Variants in TF observed in about 807,000 individuals in gnomAD.
TF encodes the protein serotransferrin.
Under a neutral mutation model 82.4 loss-of-function variants are expected in TF, and 55 were observed. That is an observed-to-expected ratio of 0.67 (90% CI 0.54 to 0.84). The LOEUF (loss-of-function observed/expected upper bound fraction) is 0.84, where lower values mean the gene tolerates loss of function less well. Ranked by LOEUF, TF falls within the 40% of genes least tolerant of loss-of-function variation. The pLI is 0.00. For synonymous variants in TF, 332 were observed against 332.6 expected, an observed-to-expected ratio of 1.00 and a Z score of 0.02; for missense variants, 737 against 868.4, an observed-to-expected ratio of 0.85 and a Z score of 1.90.
chr3:133,746,182 C>A, upstream of TF: 1 of 583,242 alleles, frequency 1.7e-6, no homozygotes, highest in East Asian at 2.9e-5. Context: ...CTTCATGTCC[C>A]TTCCCATCAA....
chr3:133,674,375 AC>A, the TF span, among the ~76,000 whole-genome samples: 7 of 151,968 alleles, frequency 4.6e-5, no homozygotes, highest in Non-Finnish European at 1.0e-4. Context: ...AGCCTTGCAG[AC>A]CCCGGGGCTG....
chr3:133,770,853 A>G (rs1934241757), intron 14 of TF: 3 of 524,082 alleles, frequency 5.7e-6, no homozygotes, highest in Admixed American at 6.4e-5. Context: ...CCTATTTCCT[A>G]AGAATAAGAC....
the TF span, among the ~76,000 whole-genome samples, chr3:133,677,623 G>A: frequency 2.6e-5 from 4 of 152,094 alleles, no homozygotes; most frequent in South Asian, 6.2e-4. Flanking sequence ...GGGCAACAGA[G>A]CAAGACTCTG....
Position 133,756,347 on chromosome 3 carries a change from G to T in TF, c.691+10G>T. 1 of 1,613,926 alleles carries T rather than the reference G, an allele frequency of 6.2e-7. No homozygotes were observed. The highest frequency in any genetic ancestry group is 8.5e-7 in the Non-Finnish European group (1 of 1,179,920). On this transcript the variant is annotated intron_variant, in intron 6 of 16. Coordinates refer to ENST00000402696, the MANE Select transcript of TF (RefSeq NM_001063.4). ...CACTCGACTATATTTGGTAAGAATGGGACAAGAATCCACCAGGGCCACTCC... is the reference window on the plus strand; with the variant it reads ...CACTCGACTATATTTGGTAAGAATGTGACAAGAATCCACCAGGGCCACTCC...
chr3:133,778,440 A>T, intron 16 of TF, 146 bp from the exon 17 acceptor site: 1 of 765,266 alleles, frequency 1.3e-6, no homozygotes, highest in Non-Finnish European at 2.2e-6. Context: ...AGTAGAAAAG[A>T]GCACTGGGAG....
chr3:133,762,675 C>G (rs1015494460), intron 9 of TF, among the ~76,000 whole-genome samples: 1 of 152,086 alleles, frequency 6.6e-6, no homozygotes, highest in African/African-American at 2.4e-5. Context: ...TCTGAAGCTG[C>G]TATTTGGGCG....
the TF span, among the ~76,000 whole-genome samples, chr3:133,692,059 G>A: frequency 6.6e-6 from 1 of 152,228 alleles, no homozygotes; most frequent in Non-Finnish European, 1.5e-5. Flanking sequence ...GGTGCTGCTG[G>A]CTGTAGGGTA....
intron 14 of TF, 57 bp downstream of exon 14, chr3:133,770,629 C>A: frequency 1.3e-6 from 2 of 1,555,870 alleles, no homozygotes; most frequent in Non-Finnish European, 1.8e-6. Flanking sequence ...CACTGGTATT[C>A]ACTTGTATTC....
the TF span, among the ~76,000 whole-genome samples, chr3:133,693,277 C>A: frequency 3.9e-5 from 6 of 152,174 alleles, no homozygotes; most frequent in African/African-American, 1.4e-4. Flanking sequence ...ACTATTGGCA[C>A]CCAGGCCTAC....
At chr3:133,684,432 T>A in the TF span, among the ~76,000 whole-genome samples, 1 of 152,016 alleles carries the variant, frequency 6.6e-6, no homozygotes, top group African/African-American at 2.4e-5. Context: ...TTTTGAAAAG[T>A]TCAACAAAAT....
At chr3:133,706,724 T>C in the TF span, among the ~76,000 whole-genome samples, 1 of 152,178 alleles carries the variant, frequency 6.6e-6, no homozygotes, top group African/African-American at 2.4e-5. Flanking sequence ...ATTTAGAGCA[T>C]CACAGCACAA....
At chr3:133,685,714 G>C in the TF span, among the ~76,000 whole-genome samples, 1 of 152,136 alleles carries the variant, frequency 6.6e-6, no homozygotes, top group Non-Finnish European at 1.5e-5. Flanking sequence ...ACAAACAAAT[G>C]GAAGAACATT....
chr3:133,680,628 G>C, the TF span, among the ~76,000 whole-genome samples: 1 of 151,546 alleles, frequency 6.6e-6, no homozygotes, highest in Non-Finnish European at 1.5e-5. Flanking sequence ...CACATGGCCT[G>C]CATAATTCTA....
the TF span, among the ~76,000 whole-genome samples, chr3:133,668,790 G>A: frequency 6.6e-6 from 1 of 152,218 alleles, no homozygotes; most frequent in East Asian, 1.9e-4. Context: ...GAGGGCTAGA[G>A]GATTTATGAC....
At chr3:133,761,950 C>G (rs928748096) in intron 9 of TF, 2 of 160,924 alleles carry the variant, frequency 1.2e-5, no homozygotes, top group African/African-American at 4.8e-5. Flanking sequence ...TACTTTAATA[C>G]TGAAAAACCA....
At chr3:133,728,429 C>T in the TF span, among the ~76,000 whole-genome samples, 1 of 151,982 alleles carries the variant, frequency 6.6e-6, no homozygotes. Flanking sequence ...GATACCCTTT[C>T]TTCCAGTTCA....
chr3:133,754,366 A>T lies in TF; in HGVS notation c.326-129A>T. 4 of 924,392 alleles carry T rather than the reference A, an allele frequency of 4.3e-6. No individual in the cohort carries two copies. The South Asian group carries it at 5.4e-5, about 13-fold the overall frequency. 57.3% of individuals were successfully genotyped at this position (924,392 alleles called of 1,614,324 possible). ...CCTAGGAAGGTTTTCCTGATTCCCC[A>T]CTCCTTATCGCCCAGTCCAGTAAAA... is the stretch of plus-strand genomic sequence containing the variant. On this transcript the variant is annotated intron_variant, in intron 3 of 16. Coordinates refer to ENST00000402696, the MANE Select transcript of TF (RefSeq NM_001063.4).
chr3:133,680,228 T>C, the TF span, among the ~76,000 whole-genome samples: 1 of 152,086 alleles, frequency 6.6e-6, no homozygotes, highest in Non-Finnish European at 1.5e-5. Context: ...TTTGGAGTTA[T>C]AGGTTCTCCC....
At chr3:133,765,817 A>C (rs1041422549) in intron 11 of TF, among the ~76,000 whole-genome samples, 1 of 152,204 alleles carries the variant, frequency 6.6e-6, no homozygotes, top group Non-Finnish European at 1.5e-5. Context: ...CATTTTGCAT[A>C]TTTATTTTGG....
Sources: allele counts gnomAD v4.1 joint callset (sites outside exome capture counted in the v4.1 genomes callset), GRCh38; gene constraint gnomAD v4.1.1; transcripts MANE v1.5; gene names NCBI Gene and HGNC (gene_info 2026-07-23, HGNC 2026-07-21).